Variants in TEX2 observed in about 807,000 individuals in gnomAD.
The protein encoded by TEX2 is testis-expressed protein 2.
A neutral mutation model predicts 106.9 loss-of-function variants in TEX2; 53 were observed. The ratio of observed to expected loss-of-function variants is 0.50; its 90% CI spans 0.40 to 0.62. The LOEUF is 0.62. TEX2 is among the 20% of genes least tolerant of loss of function. The pLI, the probability that TEX2 is intolerant of heterozygous loss-of-function variation, is 0.00. For missense variants in TEX2, 1,207 were observed against 1,379.0 expected (o/e 0.88, Z 1.98); for synonymous variants, 523 against 534.8 (o/e 0.98, Z 0.30).
At chr17:64,262,240 G>T (rs1257344058) in intron 1 of TEX2, among the ~76,000 whole-genome samples, 3 of 152,224 alleles carry the variant, frequency 2.0e-5, no homozygotes, top group Admixed American at 2.0e-4. Context: ...GTCCTCCCTG[G>T]ACAGTGTCTG....
chr17:64,213,631 G>A lies in TEX2; in HGVS notation c.587C>T (p.Ser196Leu), dbSNP rs868977631. Residue 196 changes from serine (S) to leucine (L), a missense_variant, in exon 2 of 12, where the codon TCG becomes TTG. By Grantham distance (145) the Ser-to-Leu change is moderately radical. This residue lies in a region of TEX2 where 1,067 missense variants were observed against 1,193.6 expected (regional missense o/e 0.89). Coordinates refer to ENST00000584379, the MANE Select transcript of TEX2 (RefSeq NM_001288732.2). This position sits in a 1 kb window ranked among gnomAD's most constrained non-coding sequence, Gnocchi z 4.4. The part of the protein sequence containing the change: ...KPFMSLVKSL[S>L]TEVEPKESPH... ...GGATTCTTTTGGCTCCACCTCGGTC[G>A]ACAGGGACTTCACAAGGCTCATGAA... 1 of 1,614,086 alleles carries A rather than the reference G, an allele frequency of 6.2e-7. No individual in the cohort carries two copies. The highest frequency in any genetic ancestry group is 8.5e-7 in the Non-Finnish European group (1 of 1,179,990).
intron 1 of TEX2, among the ~76,000 whole-genome samples, chr17:64,240,571 G>A (rs1555635644): frequency 1.3e-5 from 2 of 152,190 alleles, no homozygotes; most frequent in African/African-American, 4.8e-5. Context: ...CACCAGCTGT[G>A]TGACCTCAGG....
chr17:64,215,197 T>G (rs2033148259), intron 1 of TEX2, among the ~76,000 whole-genome samples: 1 of 152,210 alleles, frequency 6.6e-6, no homozygotes, highest in Admixed American at 6.5e-5. Flanking sequence ...CTCTCTTTAT[T>G]CACTCATGGC....
intron 2 of TEX2, among the ~76,000 whole-genome samples, chr17:64,202,440 A>G (rs1324988911): frequency 6.6e-6 from 1 of 152,232 alleles, no homozygotes; most frequent in Non-Finnish European, 1.5e-5. Flanking sequence ...TCTTGCAGAA[A>G]GCAATTTCCC....
intron 7 of TEX2, among the ~76,000 whole-genome samples, chr17:64,166,169 A>T (rs2031126590): frequency 6.6e-6 from 1 of 152,206 alleles, no homozygotes; most frequent in Non-Finnish European, 1.5e-5. Flanking sequence ...CTTCAGGATG[A>T]TTTTATTAAT....
rs888609062 is a variant in TEX2, at chr17:64,161,006, A to T, written c.2672-73T>A. On this transcript the variant is annotated intron_variant, in intron 7 of 11. Transcript: ENST00000584379. ...ACATGACTATAAATGACTTACATTT[A>T]AAAATATCTAAATAGGCACCATACT... The T allele has an allele frequency of 4.6e-6, 7 of 1,510,714 alleles. No individual in the cohort carries two copies. The African/African-American group carries it at 9.8e-5, about 21-fold the overall frequency. The allele number at this position is 1,510,714 out of a possible 1,614,324, so 93.6% of individuals were successfully genotyped here.
chr17:64,261,574 T>C (rs1237568584), intron 1 of TEX2, among the ~76,000 whole-genome samples: 7 of 152,284 alleles, frequency 4.6e-5, no homozygotes, highest in South Asian at 2.1e-4. Flanking sequence ...GTAGACTCAA[T>C]TACCACCATC....
At chr17:64,236,590 A>C (rs1320629373) in intron 1 of TEX2, among the ~76,000 whole-genome samples, 1 of 152,208 alleles carries the variant, frequency 6.6e-6, no homozygotes, top group Non-Finnish European at 1.5e-5. Flanking sequence ...CATAAGTTAT[A>C]TGCAAATATA....
At chr17:64,202,323 G>A (rs2032694794) in intron 2 of TEX2, among the ~76,000 whole-genome samples, 1 of 152,108 alleles carries the variant, frequency 6.6e-6, no homozygotes, top group African/African-American at 2.4e-5. Flanking sequence ...GAACCAGGTT[G>A]CAGACTGGCC....
In TEX2 at chr17:64,178,203, G is replaced by A. The variant is rs186600816; in HGVS notation, c.2425-732C>T. ...ATCTGAAGCATCTGCTGTGGCCAAT[G>A]TGTGAGGTGGGGGAGAAAGTAAACC... On this transcript the variant is annotated intron_variant, in intron 5 of 11. Coordinates refer to ENST00000584379, the MANE Select transcript of TEX2 (RefSeq NM_001288732.2). 1.5e-3 allele frequency among the ~76,000 whole-genome samples: 232 copies of A among 152,312 alleles called. 1 individual carries two copies. The highest frequency in any genetic ancestry group is 5.4e-3 in the African/African-American group (226 of 41,576).
At chr17:64,260,129 C>T (rs2034263861) in intron 1 of TEX2, among the ~76,000 whole-genome samples, 1 of 152,220 alleles carries the variant, frequency 6.6e-6, no homozygotes, top group South Asian at 2.1e-4. Context: ...TCGTGAATTA[C>T]TCAAAACTGC....
At position 64,212,856 on chromosome 17, in the gene TEX2, C is replaced by T. The variant is rs782492886; in HGVS notation, c.1362G>A (p.Val454=). Residue 454 remains valine (V), a synonymous_variant, in exon 2 of 12, where the codon GTG becomes GTA. Coordinates refer to ENST00000584379, the MANE Select transcript of TEX2 (RefSeq NM_001288732.2). ...LKPEVLAEDG[V]VLDSEDEVDS... ...CCACCTCGTCCTCACTGTCAAGGAC[C>T]ACACCATCTTCCGCGAGCACCTCTG... The T allele has an allele frequency of 6.2e-7, 1 of 1,614,114 alleles. No individual in the cohort carries two copies. Among genetic ancestry groups the T allele is most frequent in the Non-Finnish European group, 8.5e-7 (1 of 1,180,032 alleles).
At chr17:64,184,530 T>G (rs547995142) in intron 5 of TEX2, among the ~76,000 whole-genome samples, 2 of 152,248 alleles carry the variant, frequency 1.3e-5, no homozygotes, top group Non-Finnish European at 2.9e-5. Flanking sequence ...GTAAACATTT[T>G]CTCCCATCCT....
chr17:64,232,709 A>G (rs2033684836), intron 1 of TEX2, among the ~76,000 whole-genome samples: 1 of 152,252 alleles, frequency 6.6e-6, no homozygotes, highest in African/African-American at 2.4e-5. Context: ...GCCAATCAGA[A>G]CGTGGAGTCA....
chr17:64,217,464 A>T lies in TEX2; in HGVS notation c.-25-3222T>A, dbSNP rs2033219633. Among the ~76,000 whole-genome samples, 1 of 152,118 alleles carries T rather than the reference A, an allele frequency of 6.6e-6. No homozygotes were observed. The highest frequency in any genetic ancestry group is 1.5e-5 in the Non-Finnish European group (1 of 68,014). ...TGCCCGGCAGGGTGCCTTTTCAAAC[A>T]TGCCACACACGCTCTTTATTCCTGC... is the stretch of plus-strand genomic sequence containing the variant. On this transcript the variant is annotated intron_variant, in intron 1 of 11. Coordinates refer to ENST00000584379, the MANE Select transcript of TEX2 (RefSeq NM_001288732.2). The surrounding 1 kb of genome is among the most constrained non-coding windows in gnomAD (Gnocchi z 4.3).
intron 4 of TEX2, among the ~76,000 whole-genome samples, chr17:64,192,556 A>T (rs2032336776): frequency 6.6e-6 from 1 of 152,188 alleles, no homozygotes; most frequent in African/African-American, 2.4e-5. Flanking sequence ...TTCTGTTGTA[A>T]ATCACCCAGC....
intron 2 of TEX2, among the ~76,000 whole-genome samples, chr17:64,207,592 G>A (rs181615520): frequency 2.4e-4 from 36 of 152,188 alleles, no homozygotes; most frequent in Admixed American, 2.0e-3. Context: ...GCTTGCCCTA[G>A]AAACAAGTTC....
At chr17:64,163,050 C>A (rs1021520920) in intron 7 of TEX2, among the ~76,000 whole-genome samples, 1 of 152,154 alleles carries the variant, frequency 6.6e-6, no homozygotes, top group African/African-American at 2.4e-5. Flanking sequence ...ACTGAATATA[C>A]CTCATGAGAC....
At chr17:64,221,522 C>A (rs2033360068) in intron 1 of TEX2, among the ~76,000 whole-genome samples, 1 of 152,098 alleles carries the variant, frequency 6.6e-6, no homozygotes. Context: ...ATTAGGATGA[C>A]TACAATTAAA....
Sources: gnomAD v4.1 joint callset for allele counts (sites outside exome capture counted in the v4.1 genomes callset) on GRCh38, gnomAD v4.1.1 for gene constraint, gnomAD v4.1.1 regional missense constraint, Gnocchi (gnomAD v3.1) non-coding constraint, MANE v1.5 for transcripts, NCBI Gene and HGNC (gene_info 2026-07-23, HGNC 2026-07-21) for gene names.